The following CCDC7 variants were observed in gnomAD, a reference collection of about 807,000 sequenced individuals.
The protein encoded by CCDC7 is coiled-coil domain-containing protein 7.
A neutral mutation model predicts 196.9 loss-of-function variants in CCDC7; 183 were observed. That is an observed-to-expected ratio of 0.93 (90% CI 0.82 to 1.05). The LOEUF is 1.05. CCDC7 is among the 50% of genes least tolerant of loss of function. CCDC7 has a pLI of 0.00. For missense variants in CCDC7, 1,540 were observed against 1,482.2 expected, an observed-to-expected ratio of 1.04 and a Z score of -0.64; for synonymous variants, 525 against 484.6, an observed-to-expected ratio of 1.08 and a Z score of -1.10.
At chr10:32,768,542 G>C (rs1401294729) in intron 28 of CCDC7, among the ~76,000 whole-genome samples, 2 of 152,080 alleles carry the variant, frequency 1.3e-5, no homozygotes, top group African/African-American at 4.8e-5. Context: ...GCTCTGGGTA[G>C]GACTTCCAGT....
intron 16 of CCDC7, among the ~76,000 whole-genome samples, chr10:32,579,406 G>C (rs1400403580): frequency 6.6e-6 from 1 of 152,046 alleles, no homozygotes; most frequent in East Asian, 1.9e-4. Context: ...GTTATCAATA[G>C]ATAATTATCC....
intron 5 of CCDC7, among the ~76,000 whole-genome samples, chr10:32,463,472 T>C (rs1055824138): frequency 6.6e-6 from 1 of 152,214 alleles, no homozygotes; most frequent in African/African-American, 2.4e-5. Context: ...ATTTTAATGA[T>C]GTTCTTTTAC....
chr10:32,795,467 C>T (rs1257685150), intron 29 of CCDC7, among the ~76,000 whole-genome samples: 1 of 152,100 alleles, frequency 6.6e-6, no homozygotes, highest in Non-Finnish European at 1.5e-5. Context: ...TTCTGAATTG[C>T]TTTTATTTGT....
intron 18 of CCDC7, among the ~76,000 whole-genome samples, chr10:32,610,050 G>T (rs1386625493): frequency 6.6e-6 from 1 of 151,918 alleles, no homozygotes; most frequent in African/African-American, 2.4e-5. Context: ...GTGTGTGTGT[G>T]TGTGTGATTT....
At chr10:32,690,870 T>G (rs1198155690) in intron 23 of CCDC7, among the ~76,000 whole-genome samples, 1 of 152,178 alleles carries the variant, frequency 6.6e-6, no homozygotes, top group African/African-American at 2.4e-5. Context: ...GGGAATAAAA[T>G]GGAGTTTTGC....
chr10:32,858,628 T>C (rs1163741516), intron 41 of CCDC7, among the ~76,000 whole-genome samples: 2 of 152,106 alleles, frequency 1.3e-5, no homozygotes, highest in Non-Finnish European at 2.9e-5. Context: ...AGTTCAGCAT[T>C]CTTTCTTTAT....
chr10:32,705,283 C>T (rs916579510), intron 24 of CCDC7, among the ~76,000 whole-genome samples: 1 of 152,070 alleles, frequency 6.6e-6, no homozygotes, highest in Non-Finnish European at 1.5e-5. Context: ...GATTTTGTCG[C>T]CACCAGGCCT....
At chr10:32,651,403 G>A (rs539216269) in intron 20 of CCDC7, among the ~76,000 whole-genome samples, 5 of 152,262 alleles carry the variant, frequency 3.3e-5, no homozygotes, top group African/African-American at 1.2e-4. Context: ...AATTATGTTG[G>A]TATAGTCGAA....
rs533707364 is a variant in CCDC7 at position 32,526,844 on chromosome 10, G to A, written c.993+8339G>A. Among the ~76,000 whole-genome samples the A allele has an allele frequency of 6.6e-5, 10 of 152,208 alleles. No homozygotes were observed. In the East Asian group the frequency reaches 9.6e-4, roughly 15 times the overall value. ...CCTTAAGCAGGAGGGAGTCACTTTC[G>A]TTGCTGAGCTGCATTGCCTGGGGTT... On this transcript the variant is annotated intron_variant, in intron 11 of 41. Transcript: ENST00000639629.
intron 16 of CCDC7, among the ~76,000 whole-genome samples, chr10:32,575,773 C>T (rs2058114588): frequency 6.6e-6 from 1 of 152,136 alleles, no homozygotes; most frequent in African/African-American, 2.4e-5. Context: ...AAAGATTTGC[C>T]TCACTGCTGT....
intron 18 of CCDC7, among the ~76,000 whole-genome samples, chr10:32,624,562 T>A (rs1365838081): frequency 6.6e-6 from 1 of 152,206 alleles, no homozygotes; most frequent in Non-Finnish European, 1.5e-5. Flanking sequence ...CTGTTGTTTA[T>A]GTCTCTCTCA....
At chr10:32,523,422 G>A (rs536813081) in intron 11 of CCDC7, among the ~76,000 whole-genome samples, 8 of 151,984 alleles carry the variant, frequency 5.3e-5, no homozygotes, top group Non-Finnish European at 1.0e-4. Flanking sequence ...GGTGGCAGGC[G>A]CCCGTAGTCC....
intron 28 of CCDC7, among the ~76,000 whole-genome samples, chr10:32,776,083 A>C (rs1395986195): frequency 2.0e-5 from 3 of 147,196 alleles, no homozygotes; most frequent in Non-Finnish European, 1.5e-5. Context: ...TTGAACAATG[A>C]GATCACATGG....
intron 2 of CCDC7, among the ~76,000 whole-genome samples, chr10:32,455,346 G>T (rs140290939): frequency 2.0e-5 from 3 of 150,986 alleles, no homozygotes; most frequent in Non-Finnish European, 4.4e-5. Flanking sequence ...ACAGAGTCTC[G>T]CTGTGTCACC....
At chr10:32,770,029 G>A (rs138722503) in intron 28 of CCDC7, among the ~76,000 whole-genome samples, 2 of 152,090 alleles carry the variant, frequency 1.3e-5, no homozygotes, top group African/African-American at 4.8e-5. Context: ...TGGTATTTCT[G>A]GTTCTAGATC....
At chr10:32,619,165 A>G (rs950610848) in intron 18 of CCDC7, among the ~76,000 whole-genome samples, 5 of 152,090 alleles carry the variant, frequency 3.3e-5, no homozygotes, top group Non-Finnish European at 5.9e-5. Flanking sequence ...GATAAAAAGT[A>G]TATTTCAAAA....
At chr10:32,828,585 G>A (rs1418454854) in intron 32 of CCDC7, among the ~76,000 whole-genome samples, 6 of 151,170 alleles carry the variant, frequency 4.0e-5, no homozygotes, top group African/African-American at 1.2e-4. Context: ...AGCAGCAGTG[G>A]ACTCATGCTC....
intron 3 of CCDC7, 81 bp from the exon 5 acceptor site, chr10:32,462,602 C>A: frequency 1.8e-6 from 2 of 1,129,124 alleles, no homozygotes; most frequent in Non-Finnish European, 2.4e-6. Flanking sequence ...TTGAAAATTG[C>A]AAAAGACTGA....
At chr10:32,828,439 G>GAAGGAGAAGA (rs1491102454) in intron 32 of CCDC7, among the ~76,000 whole-genome samples, 1,354 of 56,624 alleles carry the variant, frequency 0.024, 190 homozygotes, top group African/African-American at 0.057. Context: ...AGGAAGGAAG[G>GAAGGAGAAGA]AGAAGAAGAA....
Sources: allele counts gnomAD v4.1 joint callset (sites outside exome capture counted in the v4.1 genomes callset), GRCh38; gene constraint gnomAD v4.1.1; transcripts MANE v1.5; gene names NCBI Gene and HGNC (gene_info 2026-07-23, HGNC 2026-07-21).